GAPVD1: variants seen among roughly 807,000 people sequenced by gnomAD.
GAPVD1 encodes the protein GTPase-activating protein and VPS9 domain-containing protein 1.
GAPVD1 carries 35 observed loss-of-function variants against 155.5 expected under a neutral mutation model. The observed-to-expected ratio is 0.23, with a 90% CI of 0.17 to 0.30. The LOEUF (loss-of-function observed/expected upper bound fraction) is 0.30. Ranked by LOEUF, GAPVD1 falls within the 10% of genes least tolerant of loss-of-function variation. GAPVD1 has a pLI of 1.00. For missense variants in GAPVD1, 1,429 were observed against 1,775.7 expected, an observed-to-expected ratio of 0.80 and a Z score of 3.51; for synonymous variants, 636 against 619.7, an observed-to-expected ratio of 1.03 and a Z score of -0.39.
intron 8 of GAPVD1, chr9:125,309,843 G>T: frequency 6.3e-6 from 2 of 318,648 alleles, no homozygotes. Context: ...TTGTTACCTG[G>T]CTATTGCATT....
intron 25 of GAPVD1, among the ~76,000 whole-genome samples, chr9:125,358,179 C>T (rs934457656): frequency 3.9e-5 from 6 of 152,128 alleles, no homozygotes; most frequent in Non-Finnish European, 8.8e-5. Flanking sequence ...AATCTTGGCT[C>T]ACTGCAACCT....
intron 12 of GAPVD1, among the ~76,000 whole-genome samples, chr9:125,328,626 C>T (rs1451564912): frequency 1.3e-5 from 2 of 150,286 alleles, no homozygotes; most frequent in Non-Finnish European, 3.0e-5. Context: ...GGCAACCATC[C>T]GATTTCTCAA....
In GAPVD1 at chr9:125,302,616, A is replaced by G. The variant is rs1012994439; in HGVS notation, c.819A>G (p.Thr273=). The change falls in exon 5 of 28, where the codon ACA becomes ACG. Residue 273 remains threonine, a synonymous_variant. Coordinates refer to ENST00000297933, the MANE Select transcript of GAPVD1 (RefSeq NM_001282680.3). The part of the protein sequence containing the change: ...NKFIGYLKQN[T]YCFPHSLRWI... Reference sequence around the variant, plus strand: ...TTATTGGTTATCTCAAACAGAACACATATTGTTTTCCACATAGTTTAAGGT... The same window carrying G: ...TTATTGGTTATCTCAAACAGAACACGTATTGTTTTCCACATAGTTTAAGGT... 1.9e-6 allele frequency: 3 copies of G among 1,614,092 alleles called. No individual in the cohort carries two copies. The highest frequency in any genetic ancestry group is 2.5e-6 in the Non-Finnish European group (3 of 1,179,972).
chr9:125,295,072 A>G (rs564884527), intron 2 of GAPVD1, among the ~76,000 whole-genome samples: 4 of 151,792 alleles, frequency 2.6e-5, no homozygotes, highest in African/African-American at 9.7e-5. Context: ...TCAACTGTCA[A>G]ATGAGGATAA....
chr9:125,358,216 C>T (rs998327727), intron 25 of GAPVD1, among the ~76,000 whole-genome samples: 1 of 152,154 alleles, frequency 6.6e-6, no homozygotes, highest in Non-Finnish European at 1.5e-5. Context: ...AGTGGTTCTC[C>T]TGCCTCAGCC....
chr9:125,329,853 T>A (rs1845833764), intron 12 of GAPVD1, among the ~76,000 whole-genome samples: 1 of 152,178 alleles, frequency 6.6e-6, no homozygotes, highest in African/African-American at 2.4e-5. Flanking sequence ...GGCTAATTTT[T>A]GTATTTTCAG....
intron 6 of GAPVD1, among the ~76,000 whole-genome samples, chr9:125,305,842 C>T (rs192813998): frequency 2.6e-5 from 4 of 152,004 alleles, no homozygotes; most frequent in Admixed American, 6.6e-5. Flanking sequence ...GTTATAGAGA[C>T]GAGGTCTTGT....
At chr9:125,262,073 A>C (rs948267865) in intron 1 of GAPVD1, 114 bp downstream of exon 1, 3 of 152,278 alleles carry the variant, frequency 2.0e-5, no homozygotes, top group Non-Finnish European at 4.4e-5. Flanking sequence ...GTCAGGTCCA[A>C]CTGACCCCGG....
In GAPVD1 at chr9:125,302,185, T is replaced by C; in HGVS notation, c.388T>C (p.Tyr130His). 1 of 1,613,836 alleles carries C rather than the reference T, an allele frequency of 6.2e-7. No individual in the cohort carries two copies. The highest frequency in any genetic ancestry group is 8.5e-7 in the Non-Finnish European group (1 of 1,179,752). ...LNQENTQSVI[Y>H]TVFTSLYGNC... is the part of the protein sequence containing the mutation. ...TCAGGAGAACACACAAAGTGTTATT[T>C]ACACAGTTTTTACCTCCCTGTATGG... The change falls in exon 5 of 28, where the codon TAC becomes CAC. Residue 130 changes from tyrosine to histidine, a missense_variant. By Grantham distance (83) the Tyr-to-His change is moderately conservative. Around this residue, in one of 4 missense-constraint regions of GAPVD1, gnomAD observed 628 missense variants for 733.4 expected, o/e 0.86. Coordinates refer to ENST00000297933, the MANE Select transcript of GAPVD1 (RefSeq NM_001282680.3).
At chr9:125,323,707 C>A in intron 10 of GAPVD1, 91 bp from the exon 11 acceptor site, 1 of 1,194,650 alleles carries the variant, frequency 8.4e-7, no homozygotes, top group Non-Finnish European at 1.2e-6. Context: ...ACACTTTAAT[C>A]AGTTGTTAGT....
chr9:125,295,220 T>A (rs536363291), intron 2 of GAPVD1, among the ~76,000 whole-genome samples: 13 of 152,176 alleles, frequency 8.5e-5, no homozygotes, highest in African/African-American at 3.1e-4. Context: ...TATTGTTACT[T>A]TTCAGGAAAC....
At chr9:125,350,908 T>C (rs1252656838) in intron 23 of GAPVD1, 36 bp downstream of exon 23, 1 of 1,506,202 alleles carries the variant, frequency 6.6e-7, no homozygotes, top group African/African-American at 1.4e-5. Flanking sequence ...TTAAACCTAG[T>C]TGTTAGCTGC....
chr9:125,342,026 C>G (rs1847905291), intron 18 of GAPVD1, 193 bp from the exon 19 acceptor site: 1 of 518,876 alleles, frequency 1.9e-6, no homozygotes, highest in Admixed American at 3.4e-5. Context: ...TGACAGATGA[C>G]TCCGAAGCAG....
At chr9:125,340,659 C>A (rs907728504) in intron 17 of GAPVD1, among the ~76,000 whole-genome samples, 1 of 151,972 alleles carries the variant, frequency 6.6e-6, no homozygotes, top group Non-Finnish European at 1.5e-5. Context: ...ACTGCATTTA[C>A]TTTTTTCATA....
Position 125,310,678 on chromosome 9 carries a change from C to G in GAPVD1, c.1442-1774C>G, listed in dbSNP as rs1190599941. 2.1e-5 allele frequency among the ~76,000 whole-genome samples: 3 copies of G among 142,572 alleles called. No homozygotes were observed. The East Asian group carries it at 6.4e-4, about 31-fold the overall frequency. The allele number at this position is 142,572 out of a possible 152,430, so 93.5% of individuals were successfully genotyped here. On this transcript the variant is annotated intron_variant, in intron 8 of 27. Transcript: ENST00000297933. ...CCTCAGCCTCCCAAGTAGATGGGAT[C>G]ACAGGCGTGTGCCACCACGCCAGCT...
At chr9:125,280,396 CAAAAAAAAAAAAA>C (rs750354567) in intron 2 of GAPVD1, among the ~76,000 whole-genome samples, 1 of 57,338 alleles carries the variant, frequency 1.7e-5, no homozygotes, top group Non-Finnish European at 3.1e-5. Flanking sequence ...AAGTCCATCT[CAAAAAAAAAAAAA>C]AAAAAAAAAA....
At position 125,337,404 on chromosome 9, in the gene GAPVD1, T is replaced by G; in HGVS notation, c.2690T>G (p.Leu897Arg). The G allele has an allele frequency of 1.9e-6, 3 of 1,614,038 alleles. No homozygotes were observed. The highest frequency in any genetic ancestry group is 1.1e-5 in the South Asian group (1 of 91,082). Residue 897 changes from leucine to arginine, a missense_variant, in exon 17 of 28, where the codon CTA (leucine) becomes CGA (arginine). Transcript: ENST00000297933. ...FKQRHSYPERLVRSRSSDIVS... is the reference protein window; with the variant it reads ...FKQRHSYPERRVRSRSSDIVS... Reference sequence around the variant, plus strand: ...CAAAGGCATTCTTACCCTGAGAGACTAGTTCGAAGCAGGAGCTCTGATATA... The same window carrying G: ...CAAAGGCATTCTTACCCTGAGAGACGAGTTCGAAGCAGGAGCTCTGATATA...
intron 2 of GAPVD1, among the ~76,000 whole-genome samples, chr9:125,277,761 C>T (rs749624599): frequency 1.5e-4 from 23 of 151,572 alleles, no homozygotes; most frequent in Non-Finnish European, 3.2e-4. Context: ...CCTTGACCTC[C>T]CAGGCTCAAG....
chr9:125,271,817 C>T (rs2131844249), intron 2 of GAPVD1, among the ~76,000 whole-genome samples: 1 of 152,212 alleles, frequency 6.6e-6, no homozygotes, highest in South Asian at 2.1e-4. Flanking sequence ...GCTGGGCTTA[C>T]CCACCGCACC....
Sources: gnomAD v4.1 joint callset for allele counts (sites outside exome capture counted in the v4.1 genomes callset) on GRCh38, gnomAD v4.1.1 for gene constraint, gnomAD v4.1.1 regional missense constraint, MANE v1.5 for transcripts, NCBI Gene and HGNC (gene_info 2026-07-23, HGNC 2026-07-21) for gene names.